SWI5: variants seen among roughly 807,000 people sequenced by gnomAD.
The protein encoded by SWI5 is SWI5 homologous recombination repair protein.
A neutral mutation model predicts 17.0 loss-of-function variants in SWI5; 12 were observed. The observed-to-expected ratio is 0.71, with a 90% CI of 0.45 to 1.14. The LOEUF (loss-of-function observed/expected upper bound fraction) is 1.14. Ranked by LOEUF, SWI5 falls within the 50% of genes most tolerant of loss-of-function variation. The pLI is 0.00. For missense variants in SWI5, 158 were observed against 162.2 expected (o/e 0.97, Z 0.14); for synonymous variants, 61 against 64.0 (o/e 0.95, Z 0.22).
At position 128,276,481 on chromosome 9, in the gene SWI5, C is replaced by T. The variant is rs1831382056; in HGVS notation, c.62+79C>T. ...CCAGACTCTCCCTTCCCAGAAATCA[C>T]CTCCAAAGACTCCCATCCAGTGCTC... On this transcript the variant is annotated intron_variant, in intron 1 of 4. Transcript: ENST00000418976. The T allele has an allele frequency of 3.2e-6, 5 of 1,583,248 alleles. No homozygotes were observed. In the East Asian group the frequency reaches 9.0e-5, roughly 29 times the overall value.
chr9:128,285,293 GGAAA>G lies in SWI5; in HGVS notation c.234-644_234-641del, dbSNP rs935291725. Among the ~76,000 whole-genome samples, 2 of 151,028 alleles carry G rather than the reference GGAAA, an allele frequency of 1.3e-5. No homozygotes were observed. The highest frequency in any genetic ancestry group is 2.4e-5 in the African/African-American group (1 of 41,104). ...GAAGGAAGGGAAAGGAAGGAAGGAAGGAAAGGAAGGAAGGAAGAAAGAAAGGAAG... is the reference window on the plus strand; with the variant it reads ...GAAGGAAGGGAAAGGAAGGAAGGAAGGGAAGGAAGGAAGAAAGAAAGGAAG... On this transcript the variant is annotated intron_variant, in intron 3 of 4. Coordinates refer to ENST00000418976, the Ensembl canonical transcript of SWI5. This position sits in a 1 kb window ranked among gnomAD's most constrained non-coding sequence, Gnocchi z 4.8.
intron 2 of SWI5, among the ~76,000 whole-genome samples, chr9:128,280,750 C>G (rs550607511): frequency 8.5e-5 from 13 of 152,274 alleles, no homozygotes; most frequent in African/African-American, 3.1e-4. Flanking sequence ...ATCTCCTGAC[C>G]TCGTGATCCT....
At chr9:128,280,405 C>T (rs1294147549) in intron 2 of SWI5, among the ~76,000 whole-genome samples, 1 of 152,052 alleles carries the variant, frequency 6.6e-6, no homozygotes, top group Non-Finnish European at 1.5e-5. Flanking sequence ...ACAAAACCAA[C>T]TCCTCCAACT....
exon 1 of SWI5, chr9:128,276,313 C>A (rs766938158): frequency 6.2e-7 from 1 of 1,613,024 alleles, no homozygotes; most frequent in Non-Finnish European, 8.5e-7. Flanking sequence ...GCCCGGTGCA[C>A]CTGAGAGGTC....
chr9:128,284,372 G>C (rs1257884042), intron 2 of SWI5, 138 bp from the exon 3 acceptor site: 9 of 939,474 alleles, frequency 9.6e-6, no homozygotes, highest in Non-Finnish European at 1.4e-5. Flanking sequence ...TTCCAAGGAA[G>C]GCTTGGAAAT....
chr9:128,276,847 C>G (rs1831405956), intron 2 of SWI5, 92 bp downstream of exon 2: 1 of 1,305,750 alleles, frequency 7.7e-7, no homozygotes, highest in African/African-American at 1.5e-5. Flanking sequence ...GCAGCCAATC[C>G]CCGCTTGGCC....
intron 2 of SWI5, among the ~76,000 whole-genome samples, chr9:128,281,272 G>A (rs953809341): frequency 3.3e-5 from 5 of 151,930 alleles, no homozygotes; most frequent in East Asian, 1.9e-4. Flanking sequence ...TACTGACCTC[G>A]TTATCTGCCT....
chr9:128,287,578 G>A (rs1224655628), intron 4 of SWI5, among the ~76,000 whole-genome samples: 3 of 80,262 alleles, frequency 3.7e-5, no homozygotes, highest in African/African-American at 6.2e-5. Flanking sequence ...TTTTTTTTTC[G>A]TTAGACTGGG....
chr9:128,276,096 A>T (rs544860580), upstream of SWI5: 1 of 1,571,406 alleles, frequency 6.4e-7, no homozygotes, highest in Non-Finnish European at 8.6e-7. Context: ...GGCCTCAAAG[A>T]TCAAAGCCCA....
chr9:128,276,734 C>T, exon 2 of SWI5: 1 of 1,613,102 alleles, frequency 6.2e-7, no homozygotes, highest in Non-Finnish European at 8.5e-7. Flanking sequence ...CCCGAAGTTG[C>T]CGCGGGGCCT....
At chr9:128,283,590 G>A (rs1831581392) in intron 2 of SWI5, among the ~76,000 whole-genome samples, 1 of 152,216 alleles carries the variant, frequency 6.6e-6, no homozygotes, top group Admixed American at 6.5e-5. Context: ...TCAGACTGGG[G>A]ACAAGGGCAG....
chr9:128,278,802 T>C (rs534391693), intron 2 of SWI5: 11 of 401,908 alleles, frequency 2.7e-5, no homozygotes, highest in South Asian at 2.0e-4. Flanking sequence ...AGACGGAATC[T>C]TGCTCTGTCG....
chr9:128,284,602 G>T, exon 3 of SWI5: 3 of 1,613,846 alleles, frequency 1.9e-6, no homozygotes, highest in Non-Finnish European at 2.5e-6. Context: ...GGGACATGCT[G>T]GACAAGGAGA....
chr9:128,276,611 A>G (rs527573770), intron 1 of SWI5, 96 bp from the exon 2 acceptor site: 1 of 1,610,584 alleles, frequency 6.2e-7, no homozygotes, highest in African/African-American at 1.3e-5. Flanking sequence ...TGGCGCTCCT[A>G]CTTCCCAACT....
chr9:128,277,141 A>C (rs949755007), intron 2 of SWI5, among the ~76,000 whole-genome samples: 1 of 151,444 alleles, frequency 6.6e-6, no homozygotes, highest in African/African-American at 2.4e-5. Context: ...CACCCTGGCC[A>C]CTCCTTTCGT....
intron 2 of SWI5, among the ~76,000 whole-genome samples, chr9:128,282,247 T>C (rs886675636): frequency 6.6e-6 from 1 of 151,806 alleles, no homozygotes; most frequent in African/African-American, 2.4e-5. Flanking sequence ...ATTAGCCGAG[T>C]GTGGTGACAT....
intron 4 of SWI5, chr9:128,286,336 A>G (rs750550885): frequency 2.7e-5 from 9 of 328,108 alleles, no homozygotes; most frequent in Non-Finnish European, 3.4e-5. Context: ...AGAGTGATCA[A>G]GATACCGTCC....
chr9:128,285,886 A>G lies in SWI5; in HGVS notation c.234-53A>G, dbSNP rs1022284688. On this transcript the variant is annotated intron_variant, in intron 3 of 4. Coordinates refer to ENST00000418976, the Ensembl canonical transcript of SWI5. This position sits in a 1 kb window ranked among gnomAD's most constrained non-coding sequence, Gnocchi z 4.8. ...ATTACTATCTGAGCCTGGGGCCATCATCTGCTTTCTTAACTGGGCTGTCTT... is the reference window on the plus strand; with the variant it reads ...ATTACTATCTGAGCCTGGGGCCATCGTCTGCTTTCTTAACTGGGCTGTCTT... 3.1e-6 allele frequency: 4 copies of G among 1,274,086 alleles called. No individual in the cohort carries two copies. Among genetic ancestry groups the G allele is most frequent in the Non-Finnish European group, 4.6e-6 (4 of 872,272 alleles). The allele number at this position is 1,274,086 out of a possible 1,614,324, so 78.9% of individuals were successfully genotyped here.
At chr9:128,279,528 G>A (rs1472551983) in intron 2 of SWI5, among the ~76,000 whole-genome samples, 4 of 152,202 alleles carry the variant, frequency 2.6e-5, no homozygotes, top group Non-Finnish European at 5.9e-5. Flanking sequence ...GAGAGGGAAG[G>A]CAGCATACGT....
Sources: gnomAD v4.1 joint callset for allele counts (sites outside exome capture counted in the v4.1 genomes callset) on GRCh38, gnomAD v4.1.1 for gene constraint, Gnocchi (gnomAD v3.1) non-coding constraint, MANE v1.5 for transcripts, NCBI Gene and HGNC (gene_info 2026-07-23, HGNC 2026-07-21) for gene names.